NEMP2: variants seen among roughly 807,000 people sequenced by gnomAD.
NEMP2 encodes UPF0571 transmembrane protein.
Under a neutral mutation model 54.2 loss-of-function variants are expected in NEMP2, and 53 were observed. That is an observed-to-expected ratio of 0.98 (90% CI 0.78 to 1.23). The LOEUF (loss-of-function observed/expected upper bound fraction) is 1.23, where lower values mean the gene tolerates loss of function less well. Ranked by LOEUF, NEMP2 falls within the 50% of genes most tolerant of loss-of-function variation. The pLI, the probability that NEMP2 is intolerant of heterozygous loss-of-function variation, is 0.00. For synonymous variants in NEMP2, 197 were observed against 190.3 expected, an observed-to-expected ratio of 1.04 and a Z score of -0.29; for missense variants, 455 against 511.3, an observed-to-expected ratio of 0.89 and a Z score of 1.06.
chr2:190,520,992 T>C lies in NEMP2; in HGVS notation c.214-1809A>G, dbSNP rs555571891. On this transcript the variant is annotated intron_variant, in intron 2 of 8. Coordinates refer to ENST00000409150, the MANE Select transcript of NEMP2 (RefSeq NM_001142645.2). This position sits in a 1 kb window ranked among gnomAD's most constrained non-coding sequence, Gnocchi z 5.4. ...CCTTTGTACCCCTCTTGCTTTGTCA[T>C]GCTCACTTGCAAAATCCAACTCTCC... is the stretch of plus-strand genomic sequence containing the variant. 8.7e-4 allele frequency among the ~76,000 whole-genome samples: 133 copies of C among 152,310 alleles called. No homozygotes were observed. Among genetic ancestry groups the C allele is most frequent in the Middle Eastern group, 3.4e-3 (1 of 292 alleles).
the NEMP2 span, among the ~76,000 whole-genome samples, chr2:190,427,247 C>G: frequency 6.6e-6 from 1 of 152,162 alleles, no homozygotes; most frequent in Non-Finnish European, 1.5e-5. Flanking sequence ...GGATGAAAGT[C>G]CTTGCTCCTT....
the NEMP2 span, among the ~76,000 whole-genome samples, chr2:190,604,706 ATG>A: frequency 6.6e-6 from 1 of 152,118 alleles, no homozygotes; most frequent in African/African-American, 2.4e-5. This position sits in a 1 kb window ranked among gnomAD's most constrained non-coding sequence, Gnocchi z 4.5. Context: ...TGCCTCCCAG[ATG>A]TGTTTTAATG....
chr2:190,546,263 A>C, the NEMP2 span, among the ~76,000 whole-genome samples: 1 of 152,186 alleles, frequency 6.6e-6, no homozygotes, highest in Non-Finnish European at 1.5e-5. This position sits in a 1 kb window ranked among gnomAD's most constrained non-coding sequence, Gnocchi z 5.1. Flanking sequence ...TACTGAACAC[A>C]TACAGACTGT....
At chr2:190,553,126 C>T in the NEMP2 span, 3 of 151,532 alleles carry the variant, frequency 2.0e-5, no homozygotes, top group African/African-American at 7.3e-5. Context: ...TAAAAAACAA[C>T]AATTCTTATT....
At chr2:190,636,427 G>C in the NEMP2 span, among the ~76,000 whole-genome samples, 1 of 152,148 alleles carries the variant, frequency 6.6e-6, no homozygotes, top group Admixed American at 6.5e-5. Context: ...TTTTCAGAAG[G>C]ATTAAAGTTT....
the NEMP2 span, among the ~76,000 whole-genome samples, chr2:190,589,691 A>T: frequency 2.0e-5 from 3 of 152,198 alleles, no homozygotes; most frequent in South Asian, 6.2e-4. The surrounding 1 kb of genome is among the most constrained non-coding windows in gnomAD (Gnocchi z 4.3). Context: ...CAGCAACACA[A>T]AACCAAAAAT....
chr2:190,514,614 G>A lies in NEMP2; in HGVS notation c.792C>T (p.Asp264=), dbSNP rs748919737. ...VVCYKHGPLA[D]DRSRSLLMWM... is the part of the protein sequence containing the mutation. ...ACATCAGAAGACTTCTGCTCCTGTCGTCTGCAAGGGGCCCATGCTTGTAAC... is the reference window on the plus strand; with the variant it reads ...ACATCAGAAGACTTCTGCTCCTGTCATCTGCAAGGGGCCCATGCTTGTAAC... Residue 264 remains aspartate (D), a synonymous_variant, in exon 7 of 9, where the codon GAC becomes GAT. Coordinates refer to ENST00000409150, the MANE Select transcript of NEMP2 (RefSeq NM_001142645.2). This position sits in a 1 kb window ranked among gnomAD's most constrained non-coding sequence, Gnocchi z 5.7. 83 of 1,551,536 alleles carry A rather than the reference G, an allele frequency of 5.3e-5. No homozygotes were observed. The highest frequency in any genetic ancestry group is 6.6e-5 in the Non-Finnish European group (76 of 1,147,006).
At chr2:190,600,423 C>T in the NEMP2 span, among the ~76,000 whole-genome samples, 1 of 152,132 alleles carries the variant, frequency 6.6e-6, no homozygotes. The surrounding 1 kb of genome is among the most constrained non-coding windows in gnomAD (Gnocchi z 4.9). Context: ...TTTGTCTTCG[C>T]CAAAACTCAT....
the NEMP2 span, among the ~76,000 whole-genome samples, chr2:190,582,502 G>A: frequency 6.6e-6 from 1 of 152,048 alleles, no homozygotes; most frequent in African/African-American, 2.4e-5. The surrounding 1 kb of genome is among the most constrained non-coding windows in gnomAD (Gnocchi z 4.6). Flanking sequence ...ATGATGTAAG[G>A]CTTTCTTAGA....
At chr2:190,612,401 T>C in the NEMP2 span, among the ~76,000 whole-genome samples, 1 of 152,230 alleles carries the variant, frequency 6.6e-6, no homozygotes, top group African/African-American at 2.4e-5. Flanking sequence ...TGATCTGCCC[T>C]CCTCAGCCTT....
At chr2:190,592,469 A>C in the NEMP2 span, among the ~76,000 whole-genome samples, 2 of 152,332 alleles carry the variant, frequency 1.3e-5, no homozygotes, top group East Asian at 3.9e-4. The surrounding 1 kb of genome is among the most constrained non-coding windows in gnomAD (Gnocchi z 4.4). Flanking sequence ...GGAATGTGAA[A>C]GCCAAATAAT....
the NEMP2 span, among the ~76,000 whole-genome samples, chr2:190,462,059 C>T: frequency 4.6e-5 from 7 of 152,032 alleles, no homozygotes; most frequent in African/African-American, 1.2e-4. The surrounding 1 kb of genome is among the most constrained non-coding windows in gnomAD (Gnocchi z 5.7). Flanking sequence ...ACTCCTTAGG[C>T]GATGAAGGGC....
At chr2:190,628,561 G>A in the NEMP2 span, 3 of 152,140 alleles carry the variant, frequency 2.0e-5, no homozygotes, top group Admixed American at 6.5e-5. This position sits in a 1 kb window ranked among gnomAD's most constrained non-coding sequence, Gnocchi z 4.1. Flanking sequence ...GACCTAAGCT[G>A]GGCCCATCAG....
the NEMP2 span, among the ~76,000 whole-genome samples, chr2:190,449,942 C>T: frequency 3.4e-4 from 52 of 151,984 alleles, no homozygotes; most frequent in African/African-American, 1.2e-3. Flanking sequence ...TGCAGCACAC[C>T]AGCATGGCAC....
the NEMP2 span, among the ~76,000 whole-genome samples, chr2:190,615,440 G>T: frequency 6.6e-6 from 1 of 152,198 alleles, no homozygotes; most frequent in African/African-American, 2.4e-5. The surrounding 1 kb of genome is among the most constrained non-coding windows in gnomAD (Gnocchi z 4.7). Flanking sequence ...GATGCCCAGG[G>T]CAGGGCACAT....
At chr2:190,541,532 G>C in the NEMP2 span, among the ~76,000 whole-genome samples, 14 of 152,092 alleles carry the variant, frequency 9.2e-5, no homozygotes, top group Non-Finnish European at 1.5e-4. This position sits in a 1 kb window ranked among gnomAD's most constrained non-coding sequence, Gnocchi z 5.2. Flanking sequence ...TTGGAAGCAA[G>C]TTGTTTAATT....
In NEMP2 at chr2:190,531,974, A is replaced by G. The variant is rs532603218; in HGVS notation, c.97+2585T>C. On this transcript the variant is annotated intron_variant, in intron 1 of 8. Transcript: ENST00000409150. The surrounding 1 kb of genome is among the most constrained non-coding windows in gnomAD (Gnocchi z 4.7). ...TCCTGAAAACTGACATGGCCCTCAT[A>G]TGGGGAAAAAAAATATCTTCAGATG... Among the ~76,000 whole-genome samples the G allele has an allele frequency of 7.0e-6, 1 of 143,840 alleles. No individual in the cohort carries two copies. Among genetic ancestry groups the G allele is most frequent in the South Asian group, 2.2e-4 (1 of 4,528 alleles). 94.4% of individuals were successfully genotyped at this position (143,840 alleles called of 152,430 possible).
the NEMP2 span, among the ~76,000 whole-genome samples, chr2:190,601,369 CTGT>C: frequency 1.3e-5 from 2 of 152,154 alleles, no homozygotes; most frequent in African/African-American, 4.8e-5. This position sits in a 1 kb window ranked among gnomAD's most constrained non-coding sequence, Gnocchi z 5.8. Context: ...CCATAGCTTT[CTGT>C]TGTTTAAGCC....
the NEMP2 span, among the ~76,000 whole-genome samples, chr2:190,604,001 AC>A: frequency 6.6e-6 from 1 of 152,208 alleles, no homozygotes; most frequent in Non-Finnish European, 1.5e-5. The surrounding 1 kb of genome is among the most constrained non-coding windows in gnomAD (Gnocchi z 4.5). Flanking sequence ...AATCATTTTT[AC>A]TTAATGAACT....
Sources: gnomAD v4.1 joint callset for allele counts (sites outside exome capture counted in the v4.1 genomes callset) on GRCh38, gnomAD v4.1.1 for gene constraint, Gnocchi (gnomAD v3.1) non-coding constraint, MANE v1.5 for transcripts, NCBI Gene and HGNC (gene_info 2026-07-23, HGNC 2026-07-21) for gene names.